Variants in SH3D19 observed in about 807,000 individuals in gnomAD.
SH3D19 encodes the protein SH3 domain containing 19, also known as SH3 domain-containing protein 19.
SH3D19 carries 58 observed loss-of-function variants against 112.1 expected under a neutral mutation model. The ratio of observed to expected loss-of-function variants is 0.52; its 90% CI spans 0.42 to 0.64. The LOEUF is 0.64. Among genes scored for constraint, SH3D19 ranks in the 30% least tolerant of loss-of-function variants. SH3D19 has a pLI of 0.00. For synonymous variants in SH3D19, 391 were observed against 448.5 expected (o/e 0.87, Z 1.62); for missense variants, 1,090 against 1,263.4 (o/e 0.86, Z 2.08).
chr4:151,277,484 C>T (rs1047895076), intron 1 of SH3D19, among the ~76,000 whole-genome samples: 3 of 151,914 alleles, frequency 2.0e-5, no homozygotes, highest in African/African-American at 7.3e-5. Flanking sequence ...AATTATAAGG[C>T]TTGTTAGAAG....
chr4:151,142,961 G>T (rs1467624987), intron 12 of SH3D19, among the ~76,000 whole-genome samples: 1 of 152,094 alleles, frequency 6.6e-6, no homozygotes, highest in Admixed American at 6.6e-5. Context: ...CTTTTGGCTG[G>T]GCATGGTGAC....
chr4:151,322,326 T>C (rs1432715345), intron 1 of SH3D19, among the ~76,000 whole-genome samples: 1 of 151,194 alleles, frequency 6.6e-6, no homozygotes, highest in Non-Finnish European at 1.5e-5. Flanking sequence ...CCAGCCACTC[T>C]GTAGGCTGAG....
intron 1 of SH3D19, among the ~76,000 whole-genome samples, chr4:151,301,507 G>T (rs1253639315): frequency 6.6e-6 from 1 of 152,160 alleles, no homozygotes; most frequent in African/African-American, 2.4e-5. Context: ...GATTACAAGC[G>T]TGAGCCACCG....
At chr4:151,238,200 G>A (rs1445476286) in intron 1 of SH3D19, among the ~76,000 whole-genome samples, 3 of 152,102 alleles carry the variant, frequency 2.0e-5, no homozygotes, top group African/African-American at 7.2e-5. Flanking sequence ...TAAGAGAAGA[G>A]TCCCCAAATG....
intron 2 of SH3D19, among the ~76,000 whole-genome samples, chr4:151,210,698 GCC>G (rs141015944): frequency 0.054 from 8,173 of 152,062 alleles, 347 homozygotes; most frequent in East Asian, 0.19. Context: ...ACTGTGCCTG[GCC>G]CCCCAGTATT....
chr4:151,304,661 A>G (rs1260247941), intron 1 of SH3D19, among the ~76,000 whole-genome samples: 1 of 152,222 alleles, frequency 6.6e-6, no homozygotes, highest in East Asian at 1.9e-4. Flanking sequence ...GCAAACAATA[A>G]GCTAACCAAA....
At chr4:151,131,135 C>G (rs1250208734) in intron 17 of SH3D19, among the ~76,000 whole-genome samples, 1 of 151,880 alleles carries the variant, frequency 6.6e-6, no homozygotes, top group Non-Finnish European at 1.5e-5. Context: ...TTTGATAAAT[C>G]TAGTTTTTCA....
rs1340916640 is a variant in SH3D19 at position 151,234,749 on chromosome 4, T to G, written c.113-8663A>C. Among the ~76,000 whole-genome samples, 8 of 127,244 alleles carry G rather than the reference T, an allele frequency of 6.3e-5. No homozygotes were observed. The East Asian group carries it at 9.0e-4, about 14-fold the overall frequency. 83.5% of individuals were successfully genotyped at this position (127,244 alleles called of 152,430 possible). On this transcript the variant is annotated intron_variant, in intron 1 of 19. Coordinates refer to ENST00000604030, the MANE Select transcript of SH3D19 (RefSeq NM_001378122.1). ...TCCAAGTTTGTGTTTTTTTTTTTTT[T>G]TTTTTTTTTTTTTTTTTAGACAGGG...
At chr4:151,228,385 T>C (rs1769308992) in intron 1 of SH3D19, among the ~76,000 whole-genome samples, 1 of 152,186 alleles carries the variant, frequency 6.6e-6, no homozygotes, top group South Asian at 2.1e-4. Context: ...AAACACATGT[T>C]CTTGGCTTGA....
intron 7 of SH3D19, among the ~76,000 whole-genome samples, chr4:151,172,767 G>A (rs1235735287): frequency 6.6e-6 from 1 of 152,206 alleles, no homozygotes; most frequent in African/African-American, 2.4e-5. Context: ...TAGCCACTGT[G>A]TGACACGGTG....
chr4:151,174,220 C>T (rs988664907), intron 7 of SH3D19, among the ~76,000 whole-genome samples: 24 of 152,174 alleles, frequency 1.6e-4, no homozygotes, highest in Non-Finnish European at 2.9e-4. Flanking sequence ...CCCTCTGGGG[C>T]CACTGCATGA....
chr4:151,291,361 A>T (rs746486111), intron 1 of SH3D19: 1 of 1,613,938 alleles, frequency 6.2e-7, no homozygotes, highest in Non-Finnish European at 8.5e-7. Context: ...TGGACCTAAC[A>T]CTATACACAG....
At chr4:151,183,675 A>C (rs538441582) in intron 3 of SH3D19, among the ~76,000 whole-genome samples, 2 of 152,360 alleles carry the variant, frequency 1.3e-5, no homozygotes, top group East Asian at 3.9e-4. Flanking sequence ...TATTAATTAT[A>C]AATACCCTTG....
Position 151,176,829 on chromosome 4 carries a change from C to T in SH3D19, c.363G>A (p.Leu121=). The T allele has an allele frequency of 8.1e-7, 1 of 1,232,144 alleles. No individual in the cohort carries two copies. Among genetic ancestry groups the T allele is most frequent in the Non-Finnish European group, 1.0e-6 (1 of 987,970 alleles). The allele number at this position is 1,232,144 out of a possible 1,614,324, so 76.3% of individuals were successfully genotyped here. Residue 121 remains leucine, a synonymous_variant, in exon 5 of 20, where the codon CTG becomes CTA. Transcript: ENST00000604030. The stretch of plus-strand genomic sequence containing the variant: ...AATGTTTATTCACCTCAGCAGGAAC[C>T]AGCTCATTAGGCCTCCAAGAGCCTG... ...SAAGSWRPNE[L]VPAELPPSYE...
chr4:151,184,688 T>G (rs1761469178), intron 3 of SH3D19, among the ~76,000 whole-genome samples: 1 of 152,192 alleles, frequency 6.6e-6, no homozygotes, highest in East Asian at 1.9e-4. Flanking sequence ...AATGTCTTCA[T>G]GCTTCCTCAT....
At chr4:151,174,347 C>T (rs892179439) in intron 7 of SH3D19, among the ~76,000 whole-genome samples, 1 of 152,218 alleles carries the variant, frequency 6.6e-6, no homozygotes, top group South Asian at 2.1e-4. Context: ...GCCAGCCCCA[C>T]AACCTATTAT....
chr4:151,175,169 A>G lies in SH3D19; in HGVS notation c.1035T>C (p.Ser345=), dbSNP rs751047867. The G allele has an allele frequency of 6.2e-7, 1 of 1,614,126 alleles. No individual in the cohort carries two copies. The highest frequency in any genetic ancestry group is 8.5e-7 in the Non-Finnish European group (1 of 1,180,020). ...VAPKPAANRA[S]GEWDSGTENR... Reference sequence around the variant, plus strand: ...TCTCAGTCCCAGAGTCCCACTCTCCAGAAGCTCTGTTAGCAGCTGGTTTGG... The same window carrying G: ...TCTCAGTCCCAGAGTCCCACTCTCCGGAAGCTCTGTTAGCAGCTGGTTTGG... Residue 345 remains serine (S), a synonymous_variant, in exon 7 of 20, where the codon TCT becomes TCC. Coordinates refer to ENST00000604030, the MANE Select transcript of SH3D19 (RefSeq NM_001378122.1).
chr4:151,219,885 ATATTCT>A (rs773284712), intron 2 of SH3D19, among the ~76,000 whole-genome samples: 36 of 152,154 alleles, frequency 2.4e-4, no homozygotes, highest in Non-Finnish European at 4.7e-4. Flanking sequence ...CCTCATAAAG[ATATTCT>A]TATATATTTC....
chr4:151,281,024 C>G (rs538660930), intron 1 of SH3D19, among the ~76,000 whole-genome samples: 1 of 152,124 alleles, frequency 6.6e-6, no homozygotes, highest in East Asian at 1.9e-4. Flanking sequence ...GGGGGAAAAA[C>G]AGGAAAACAC....
Sources: allele counts gnomAD v4.1 joint callset (sites outside exome capture counted in the v4.1 genomes callset), GRCh38; gene constraint gnomAD v4.1.1; transcripts MANE v1.5; gene names NCBI Gene and HGNC (gene_info 2026-07-23, HGNC 2026-07-21).